HS3ST4: variants seen among roughly 807,000 people sequenced by gnomAD.
HS3ST4 encodes the protein heparan sulfate glucosamine 3-O-sulfotransferase 4.
A neutral mutation model predicts 29.2 loss-of-function variants in HS3ST4; 17 were observed. The observed-to-expected ratio is 0.58, with a 90% confidence interval of 0.40 to 0.87. The LOEUF (loss-of-function observed/expected upper bound fraction) is 0.87, where lower values mean the gene tolerates loss of function less well. HS3ST4 is among the 40% of genes least tolerant of loss of function. HS3ST4 has a pLI of 0.00. For synonymous variants in HS3ST4, 314 were observed against 285.7 expected (o/e 1.10, Z -1.00); for missense variants, 627 against 634.5 (o/e 0.99, Z 0.13).
intron 1 of HS3ST4, among the ~76,000 whole-genome samples, chr16:25,879,162 T>C (rs1344078449): frequency 6.6e-6 from 1 of 152,172 alleles, no homozygotes; most frequent in African/African-American, 2.4e-5. Context: ...AAATCTGATA[T>C]ACGTTTGGAT....
intron 1 of HS3ST4, among the ~76,000 whole-genome samples, chr16:26,038,670 G>A (rs971324480): frequency 2.6e-5 from 4 of 151,580 alleles, no homozygotes; most frequent in Non-Finnish European, 5.9e-5. Flanking sequence ...ATGTATGTAT[G>A]TATGTATGTA....
intron 1 of HS3ST4, among the ~76,000 whole-genome samples, chr16:25,886,027 G>GTTT (rs34713423): frequency 0.25 from 20,416 of 82,616 alleles, 3,391 homozygotes; most frequent in African/African-American, 0.36. Flanking sequence ...TCTTACTGTG[G>GTTT]TTTTTTTTTT....
intron 1 of HS3ST4, among the ~76,000 whole-genome samples, chr16:26,001,031 A>T (rs1490549813): frequency 1.3e-5 from 2 of 152,198 alleles, no homozygotes; most frequent in African/African-American, 4.8e-5. Context: ...GCAATCTCTG[A>T]TTCTCAATGG....
At chr16:25,985,239 G>A (rs1285088926) in intron 1 of HS3ST4, among the ~76,000 whole-genome samples, 3 of 152,206 alleles carry the variant, frequency 2.0e-5, no homozygotes, top group Non-Finnish European at 4.4e-5. Flanking sequence ...TTCAGTGCCT[G>A]GCATTGGAGA....
rs561720422 is a variant in HS3ST4 at position 25,728,471 on chromosome 16, A to G, written c.734+35320A>G. Among the ~76,000 whole-genome samples, 72 of 152,334 alleles carry G rather than the reference A, an allele frequency of 4.7e-4. No individual in the cohort carries two copies. The South Asian group carries it at 0.013, about 27-fold the overall frequency. ...CATATCGCTGTTGATTGGATTAAAT[A>G]AAATAAAGTATATAAAGAGCCTAGC... On this transcript the variant is annotated intron_variant, in intron 1 of 1. Transcript: ENST00000331351.
At chr16:25,829,116 G>A (rs1485811439) in intron 1 of HS3ST4, among the ~76,000 whole-genome samples, 3 of 152,212 alleles carry the variant, frequency 2.0e-5, no homozygotes, top group African/African-American at 7.2e-5. Context: ...CAACAAGTGT[G>A]TCTCTTGGCT....
At chr16:25,762,016 G>A (rs1966791364) in intron 1 of HS3ST4, among the ~76,000 whole-genome samples, 2 of 152,246 alleles carry the variant, frequency 1.3e-5, no homozygotes, top group Non-Finnish European at 2.9e-5. Flanking sequence ...GATGGGAGAT[G>A]TAGTCTTGGG....
At position 25,942,607 on chromosome 16, in the gene HS3ST4, C is replaced by CT. The variant is rs570460052; in HGVS notation, c.735-192992dup. ...TATTATTCTACTGTGTCATCACTTC[C>CT]TTTTTTTTTTTTTCTTTCCTTTTTT... On this transcript the variant is annotated intron_variant, in intron 1 of 1. Coordinates refer to ENST00000331351, the MANE Select transcript of HS3ST4 (RefSeq NM_006040.3). Among the ~76,000 whole-genome samples the CT allele has an allele frequency of 1.7e-3, 248 of 142,474 alleles. 2 individuals carry two copies. The highest frequency in any genetic ancestry group is 3.5e-3 in the Middle Eastern group (1 of 282). 93.5% of individuals were successfully genotyped at this position (142,474 alleles called of 152,430 possible).
At chr16:26,055,007 T>C (rs1464096679) in intron 1 of HS3ST4, among the ~76,000 whole-genome samples, 1 of 152,102 alleles carries the variant, frequency 6.6e-6, no homozygotes, top group Non-Finnish European at 1.5e-5. Context: ...TGACAAAAAT[T>C]ATATCTGATT....
At chr16:25,781,359 G>A (rs756149976) in intron 1 of HS3ST4, among the ~76,000 whole-genome samples, 1 of 152,106 alleles carries the variant, frequency 6.6e-6, no homozygotes, top group Non-Finnish European at 1.5e-5. Context: ...CCTCATCAGC[G>A]GTTCTCTTGA....
intron 1 of HS3ST4, among the ~76,000 whole-genome samples, chr16:25,947,396 A>C (rs1234449700): frequency 6.6e-6 from 1 of 152,162 alleles, no homozygotes; most frequent in African/African-American, 2.4e-5. Flanking sequence ...CAAAAACTCC[A>C]AATCTCAATG....
At chr16:26,106,031 A>G (rs568675397) in intron 1 of HS3ST4, among the ~76,000 whole-genome samples, 1 of 152,334 alleles carries the variant, frequency 6.6e-6, no homozygotes, top group African/African-American at 2.4e-5. Flanking sequence ...AGATAAAATG[A>G]AGAACAAAAG....
intron 1 of HS3ST4, among the ~76,000 whole-genome samples, chr16:25,835,981 G>A (rs928360754): frequency 2.0e-5 from 3 of 152,156 alleles, no homozygotes; most frequent in African/African-American, 7.2e-5. Context: ...CAGAAACCAA[G>A]GGCATTCCGG....
At chr16:25,828,228 T>TTCTCTTTTTCTG in intron 1 of HS3ST4, among the ~76,000 whole-genome samples, 1 of 81,616 alleles carries the variant, frequency 1.2e-5, no homozygotes, top group African/African-American at 6.3e-5. Flanking sequence ...TTTCCTTTCT[T>TTCTCTTTTTCTG]TCTTTCTTTC....
chr16:25,963,458 A>G (rs2141702859), intron 1 of HS3ST4, among the ~76,000 whole-genome samples: 1 of 152,326 alleles, frequency 6.6e-6, no homozygotes, highest in East Asian at 1.9e-4. Context: ...TATTCCCACT[A>G]TAAGAAAGAA....
chr16:25,828,647 A>G (rs1330290909), intron 1 of HS3ST4, among the ~76,000 whole-genome samples: 1 of 151,808 alleles, frequency 6.6e-6, no homozygotes, highest in Non-Finnish European at 1.5e-5. Context: ...GGCCCCCGAT[A>G]AGTAGTTTTT....
At chr16:25,715,097 T>C (rs1039725123) in intron 1 of HS3ST4, among the ~76,000 whole-genome samples, 2 of 150,708 alleles carry the variant, frequency 1.3e-5, no homozygotes, top group African/African-American at 2.4e-5. Flanking sequence ...CCGAGGCGGG[T>C]GGATCACGAG....
intron 1 of HS3ST4, among the ~76,000 whole-genome samples, chr16:25,791,366 T>G (rs72778978): frequency 0.23 from 34,708 of 151,984 alleles, 4,131 homozygotes; most frequent in Admixed American, 0.26. Flanking sequence ...GTCTTGTCTA[T>G]TCCTGGCCCT....
intron 1 of HS3ST4, among the ~76,000 whole-genome samples, chr16:26,030,257 A>T (rs1969519729): frequency 6.6e-6 from 1 of 152,194 alleles, no homozygotes; most frequent in African/African-American, 2.4e-5. Flanking sequence ...TGTAAAAAGG[A>T]AATAGCTGGG....
Sources: allele counts gnomAD v4.1 joint callset (sites outside exome capture counted in the v4.1 genomes callset), GRCh38; gene constraint gnomAD v4.1.1; transcripts MANE v1.5; gene names NCBI Gene and HGNC (gene_info 2026-07-23, HGNC 2026-07-21).